Variants in PSMG1 observed in about 807,000 individuals in gnomAD.
The protein encoded by PSMG1 is Down syndrome critical region gene 2.
PSMG1 carries 23 observed loss-of-function variants against 37.2 expected under a neutral mutation model. The observed-to-expected ratio is 0.62, with a 90% confidence interval of 0.44 to 0.88. The LOEUF (loss-of-function observed/expected upper bound fraction) is 0.88, where lower values mean the gene tolerates loss of function less well. Ranked by LOEUF, PSMG1 falls within the 40% of genes least tolerant of loss-of-function variation. PSMG1 has a pLI of 0.00. For synonymous variants in PSMG1, 127 were observed against 128.0 expected (o/e 0.99, Z 0.05); for missense variants, 340 against 344.2 (o/e 0.99, Z 0.10).
rs948086904 is a variant in PSMG1, at chr21:39,183,396, T to C, written c.-11A>G. On this transcript the variant is annotated 5_prime_UTR_variant, in exon 1 of 7. Transcript: ENST00000331573. ...GAACGTGGCCGCCATAGCCGCCCCG[T>C]GACCGGCTGGACACAACTGCAGCGC... 1 of 1,575,764 alleles carries C rather than the reference T, an allele frequency of 6.3e-7. No homozygotes were observed. Among genetic ancestry groups the C allele is most frequent in the African/African-American group, 1.4e-5 (1 of 72,654 alleles).
In PSMG1 at chr21:39,183,262, C is replaced by A; in HGVS notation, c.124G>T (p.Ala42Ser). The stretch of plus-strand genomic sequence containing the variant: ...ATCCCGGTGCCTCACCTCTTCCGCG[C>A]CAGCTGCAGACGCACCTCCCTGTCC... ...PEDREVRLQL[A>S]RKREVRLLRR... Residue 42 changes from alanine (A) to serine (S), a missense_variant, in exon 1 of 7, where the codon GCG becomes TCG. Physicochemically the swap from Ala to Ser is moderately conservative, Grantham distance 99 (BLOSUM62 1). Transcript: ENST00000331573. 1 of 1,583,914 alleles carries A rather than the reference C, an allele frequency of 6.3e-7. No homozygotes were observed. Among genetic ancestry groups the A allele is most frequent in the Non-Finnish European group, 8.6e-7 (1 of 1,168,958 alleles).
At position 39,178,546 on chromosome 21, in the gene PSMG1, AGAAG is replaced by A. The variant is rs750562986; in HGVS notation, c.554_557del (p.Pro185LeufsTer4). 2 of 1,614,144 alleles carry A rather than the reference AGAAG, an allele frequency of 1.2e-6. No individual in the cohort carries two copies. The highest frequency in any genetic ancestry group is 1.7e-6 in the Non-Finnish European group (2 of 1,179,998). ...GTGTTTTTAGGGCTCTCAGGAAAGG[AGAAG>A]GAAGGCTGCCGGTGGATTCTGAGGT... On this transcript the variant is annotated frameshift_variant, in exon 5 of 7. Coordinates refer to ENST00000331573, the MANE Select transcript of PSMG1 (RefSeq NM_003720.4). LOFTEE classifies it high-confidence loss of function.
intron 2 of PSMG1, 25 bp downstream of exon 2, chr21:39,181,747 C>T (rs778481807): frequency 2.1e-6 from 3 of 1,417,046 alleles, no homozygotes; most frequent in Non-Finnish European, 1.9e-6. Flanking sequence ...AACAAAATGA[C>T]TAAGTCTTCT....
chr21:39,174,827 CAT>C lies in PSMG1; in HGVS notation c.*761_*762del, dbSNP rs1226675022. On this transcript the variant is annotated 3_prime_UTR_variant, in exon 7 of 7. Coordinates refer to ENST00000331573, the MANE Select transcript of PSMG1 (RefSeq NM_003720.4). ...TCCATTCACACTCCTAATGATAACACATGACTGTAAGAGAACTGCTGACACGC... is the reference window on the plus strand; with the variant it reads ...TCCATTCACACTCCTAATGATAACACGACTGTAAGAGAACTGCTGACACGC... The C allele has an allele frequency of 6.6e-6, 1 of 152,226 alleles. No individual in the cohort carries two copies. Among genetic ancestry groups the C allele is most frequent in the Non-Finnish European group, 1.5e-5 (1 of 68,042 alleles). The allele number at this position is 152,226 out of a possible 1,614,324, so 9.4% of individuals were successfully genotyped here.
chr21:39,176,969 G>T (rs1268935803), intron 6 of PSMG1, among the ~76,000 whole-genome samples: 1 of 152,154 alleles, frequency 6.6e-6, no homozygotes, highest in Non-Finnish European at 1.5e-5. Flanking sequence ...TTTAGAAAAT[G>T]AGACCAAAGG....
chr21:39,175,860 G>A lies in PSMG1; in HGVS notation c.793-196C>T, dbSNP rs117622743. Among the ~76,000 whole-genome samples the A allele has an allele frequency of 4.2e-3, 643 of 152,128 alleles. 2 individuals carry two copies. Among genetic ancestry groups the A allele is most frequent in the Non-Finnish European group, 4.8e-3 (329 of 68,002 alleles). ...AACAGGCCCTTTCCCTGCCACACTC[G>A]CCGATGATCTCCTGGCCTCCGATGG... On this transcript the variant is annotated intron_variant, in intron 6 of 6. Coordinates refer to ENST00000331573, the MANE Select transcript of PSMG1 (RefSeq NM_003720.4).
chr21:39,177,398 C>T, intron 6 of PSMG1, 37 bp downstream of exon 6: 3 of 1,518,518 alleles, frequency 2.0e-6, no homozygotes, highest in African/African-American at 2.8e-5. Flanking sequence ...CTGATTATAA[C>T]AATGCAGCTA....
chr21:39,178,894 G>A, intron 4 of PSMG1: 1 of 474,884 alleles, frequency 2.1e-6, no homozygotes, highest in South Asian at 2.5e-5. Flanking sequence ...TAGTTTAGAT[G>A]CCTGTCCCCT....
chr21:39,177,611 A>T, intron 5 of PSMG1, 40 bp from the exon 6 acceptor site: 1 of 1,433,388 alleles, frequency 7.0e-7, no homozygotes, highest in South Asian at 1.5e-5. Flanking sequence ...TAAGTTTTCT[A>T]TTATGTTACT....
rs73355902 is a variant in PSMG1 at position 39,177,384 on chromosome 21, T to C, written c.792+51A>G. 8.2e-4 allele frequency: 1,202 copies of C among 1,458,720 alleles called. 18 individuals are homozygous for C. The African/African-American group carries it at 0.016, about 20-fold the overall frequency. 90.4% of individuals were successfully genotyped at this position (1,458,720 alleles called of 1,614,324 possible). ...GACAGTATACATTTATGTTTGTTAC[T>C]AAGCTGATTATAACAATGCAGCTAT... On this transcript the variant is annotated intron_variant, in intron 6 of 6. Coordinates refer to ENST00000331573, the MANE Select transcript of PSMG1 (RefSeq NM_003720.4).
chr21:39,177,119 T>TA (rs1471638367), intron 6 of PSMG1, among the ~76,000 whole-genome samples: 14 of 152,170 alleles, frequency 9.2e-5, no homozygotes, highest in Non-Finnish European at 1.9e-4. Flanking sequence ...AAAAATTAAA[T>TA]AAAAATTTTT....
rs1200261799 is a variant in PSMG1, at chr21:39,181,877, C to T, written c.136G>A (p.Glu46Lys). The T allele has an allele frequency of 1.3e-6, 2 of 1,568,572 alleles. No homozygotes were observed. The highest frequency in any genetic ancestry group is 1.7e-6 in the Non-Finnish European group (2 of 1,163,496). The change falls in exon 2 of 7, where the codon GAA (glutamate) becomes AAA (lysine). Residue 46 changes from glutamate to lysine, a missense_variant and splice_region_variant. Transcript: ENST00000331573. ...EVRLQLARKREVRLLRRQTKT... is the reference protein window; with the variant it reads ...EVRLQLARKRKVRLLRRQTKT... Reference sequence around the variant, plus strand: ...GTTTGTCTTCGAAGGAGCCGCACTTCCCTAACACAAGAAACAAGATGAAAC... The same window carrying T: ...GTTTGTCTTCGAAGGAGCCGCACTTTCCTAACACAAGAAACAAGATGAAAC...
intron 6 of PSMG1, among the ~76,000 whole-genome samples, chr21:39,177,224 A>G (rs935347076): frequency 1.3e-5 from 2 of 152,248 alleles, no homozygotes; most frequent in African/African-American, 4.8e-5. Context: ...GCATTAATCT[A>G]TCATACAAGA....
At chr21:39,179,836 G>T in intron 4 of PSMG1, 88 bp downstream of exon 4, 1 of 1,052,558 alleles carries the variant, frequency 9.5e-7, no homozygotes. Context: ...ATATCTGACT[G>T]CATAAGTTTA....
chr21:39,183,498 A>T, upstream of PSMG1: 1 of 1,299,986 alleles, frequency 7.7e-7, no homozygotes, highest in East Asian at 3.0e-5. Context: ...CGCACAGGCC[A>T]CGCCCTCCGC....
chr21:39,181,670 G>C (rs2030831844), intron 2 of PSMG1, 102 bp downstream of exon 2: 1 of 747,990 alleles, frequency 1.3e-6, no homozygotes, highest in Non-Finnish European at 2.0e-6. Flanking sequence ...CTCTACTGTG[G>C]CTTTTTAAAG....
At chr21:39,176,435 G>A (rs1023651404) in intron 6 of PSMG1, among the ~76,000 whole-genome samples, 16 of 152,216 alleles carry the variant, frequency 1.1e-4, no homozygotes, top group Non-Finnish European at 2.2e-4. Context: ...GAGTTAAGTG[G>A]GATGAGGCAA....
intron 1 of PSMG1, chr21:39,183,037 G>C (rs2030919970): frequency 1.8e-6 from 1 of 554,562 alleles, no homozygotes; most frequent in East Asian, 3.5e-5. Context: ...CGAAACGCCA[G>C]CAGATCCACG....
Position 39,178,701 on chromosome 21 carries a change from G to A in PSMG1, c.457-54C>T, listed in dbSNP as rs148447847. ...AAAACATATAATTTTGTTACAGAAT[G>A]GAAACATTCCTCTAGGTATTCACCT... On this transcript the variant is annotated intron_variant, in intron 4 of 6. Transcript: ENST00000331573. 155 of 1,492,164 alleles carry A rather than the reference G, an allele frequency of 1.0e-4. 1 individual carries two copies. In the East Asian group the frequency reaches 3.5e-3, roughly 33 times the overall value. 92.4% of individuals were successfully genotyped at this position (1,492,164 alleles called of 1,614,324 possible).
Sources: allele counts gnomAD v4.1 joint callset (sites outside exome capture counted in the v4.1 genomes callset), GRCh38; gene constraint gnomAD v4.1.1; transcripts MANE v1.5; gene names NCBI Gene and HGNC (gene_info 2026-07-23, HGNC 2026-07-21).